The following C11orf16 variants were observed in gnomAD, a reference collection of about 807,000 sequenced individuals.
C11orf16 encodes uncharacterized protein C11orf16.
A neutral mutation model predicts 45.1 loss-of-function variants in C11orf16; 38 were observed. That is an observed-to-expected ratio of 0.84 (90% CI 0.65 to 1.10). The LOEUF is 1.10. Ranked by LOEUF, C11orf16 falls within the 50% of genes least tolerant of loss-of-function variation. The probability of loss-of-function intolerance (pLI) is 0.00; values close to 1 mark genes in which losing one functional copy is unlikely to be tolerated. For synonymous variants in C11orf16, 221 were observed against 222.0 expected (o/e 1.00, Z 0.04); for missense variants, 583 against 569.5 (o/e 1.02, Z -0.24).
intron 2 of C11orf16, among the ~76,000 whole-genome samples, chr11:8,930,285 G>T (rs77388086): frequency 1.3e-5 from 2 of 151,956 alleles, no homozygotes; most frequent in Non-Finnish European, 2.9e-5. Flanking sequence ...AATTAGGTGG[G>T]CGTGGTGGTG....
intron 5 of C11orf16, among the ~76,000 whole-genome samples, chr11:8,924,999 C>CT (rs1418496969): frequency 6.6e-6 from 1 of 152,216 alleles, no homozygotes; most frequent in African/African-American, 2.4e-5. Flanking sequence ...TCCCCGCTCA[C>CT]TTACTGAGGG....
intron 2 of C11orf16, among the ~76,000 whole-genome samples, chr11:8,930,104 G>A (rs2064640091): frequency 6.6e-6 from 1 of 150,946 alleles, no homozygotes. Context: ...TGGGTGACAA[G>A]GTGAGACCCC....
intron 5 of C11orf16, among the ~76,000 whole-genome samples, chr11:8,925,256 TCTG>T (rs2064601566): frequency 6.6e-6 from 1 of 152,246 alleles, no homozygotes; most frequent in South Asian, 2.1e-4. Context: ...AGTTCATCCT[TCTG>T]CTCCTTTGGG....
intron 6 of C11orf16, 92 bp downstream of exon 6, chr11:8,921,202 G>T: frequency 1.0e-6 from 1 of 960,446 alleles, no homozygotes. Context: ...GGGGTCATAG[G>T]TTTTACTGTT....
At chr11:8,929,008 C>A in intron 3 of C11orf16, 1 of 200,214 alleles carries the variant, frequency 5.0e-6, no homozygotes, top group Non-Finnish European at 1.0e-5. Context: ...CAAGGCGATG[C>A]CTCTATAAGC....
chr11:8,925,064 T>C (rs1483149077), intron 5 of C11orf16, among the ~76,000 whole-genome samples: 1 of 152,156 alleles, frequency 6.6e-6, no homozygotes, highest in Admixed American at 6.5e-5. Context: ...TTTCTATGCT[T>C]CAGTGCATCA....
intron 2 of C11orf16, among the ~76,000 whole-genome samples, chr11:8,930,352 G>A (rs139692489): frequency 6.8e-6 from 1 of 146,844 alleles, no homozygotes; most frequent in Non-Finnish European, 1.5e-5. Flanking sequence ...CTTGAACCCA[G>A]GAGGCGGAGG....
intron 2 of C11orf16, among the ~76,000 whole-genome samples, chr11:8,930,617 T>C (rs2064643986): frequency 6.6e-6 from 1 of 152,046 alleles, no homozygotes; most frequent in African/African-American, 2.4e-5. Context: ...TAAGGGGCTG[T>C]GGGACAGAAA....
chr11:8,932,434 G>T (rs1177388171), intron 1 of C11orf16, 108 bp from the exon 2 acceptor site: 1 of 869,456 alleles, frequency 1.2e-6, no homozygotes, highest in Non-Finnish European at 1.7e-6. Context: ...GGACAGTTGA[G>T]TCCATGCACG....
Position 8,920,330 on chromosome 11 carries a change from G to A in C11orf16, c.*143C>T, listed in dbSNP as rs1316672905. 3.7e-6 allele frequency: 2 copies of A among 546,144 alleles called. No individual in the cohort carries two copies. Among genetic ancestry groups the A allele is most frequent in the African/African-American group, 3.9e-5 (2 of 50,956 alleles). The allele number at this position is 546,144 out of a possible 1,614,324, so 33.8% of individuals were successfully genotyped here. ...TCTGCAGGGAGGTCTTCGTGGGGTGGAGATACTGGTGGTTATTTGACTGTT... is the reference window on the plus strand; with the variant it reads ...TCTGCAGGGAGGTCTTCGTGGGGTGAAGATACTGGTGGTTATTTGACTGTT... On this transcript the variant is annotated 3_prime_UTR_variant, in exon 7 of 7. Coordinates refer to ENST00000326053, the MANE Select transcript of C11orf16 (RefSeq NM_020643.3).
At chr11:8,928,691 G>T (rs954923870) in intron 3 of C11orf16, among the ~76,000 whole-genome samples, 2 of 152,068 alleles carry the variant, frequency 1.3e-5, no homozygotes, top group Non-Finnish European at 2.9e-5. Flanking sequence ...TGTAGAGACA[G>T]GGTCTCACTG....
At chr11:8,923,801 A>C (rs2064590140) in intron 5 of C11orf16, among the ~76,000 whole-genome samples, 2 of 151,640 alleles carry the variant, frequency 1.3e-5, no homozygotes, top group Admixed American at 1.3e-4. Flanking sequence ...ACGGGGTTTC[A>C]CTTTGTTGGT....
chr11:8,922,457 A>G (rs1343825861), intron 5 of C11orf16, among the ~76,000 whole-genome samples: 1 of 152,224 alleles, frequency 6.6e-6, no homozygotes, highest in African/African-American at 2.4e-5. Flanking sequence ...AAGGGAAGGA[A>G]TGCTTTTTAC....
At chr11:8,931,277 G>A (rs1187780847) in intron 2 of C11orf16, among the ~76,000 whole-genome samples, 2 of 151,822 alleles carry the variant, frequency 1.3e-5, no homozygotes, top group South Asian at 4.2e-4. Flanking sequence ...AGGCTCGAGC[G>A]CAGTGGCGCT....
chr11:8,932,240 G>T lies in C11orf16; in HGVS notation c.69C>A (p.Ala23=). Residue 23 remains alanine (A), a synonymous_variant, in exon 2 of 7, where the codon GCC becomes GCA. Coordinates refer to ENST00000326053, the MANE Select transcript of C11orf16 (RefSeq NM_020643.3). ...GTGGAGCAGCACCGTCCCAGCCAGG[G>T]GCCTTCAGGCTTGTGGCCACGCTGC... ...KYCSVATSLK[A]PGWDGAAPPW... 1 of 1,610,108 alleles carries T rather than the reference G, an allele frequency of 6.2e-7. No homozygotes were observed. The highest frequency in any genetic ancestry group is 8.5e-7 in the Non-Finnish European group (1 of 1,178,450).
intron 3 of C11orf16, chr11:8,929,166 T>C (rs904621139): frequency 3.3e-5 from 17 of 516,126 alleles, no homozygotes; most frequent in Non-Finnish European, 5.0e-5. Context: ...ATTTCTGTGG[T>C]TTAAGCCACT....
chr11:8,922,996 C>G (rs1488049686), intron 5 of C11orf16, among the ~76,000 whole-genome samples: 1 of 152,190 alleles, frequency 6.6e-6, no homozygotes, highest in Non-Finnish European at 1.5e-5. Context: ...CAGGAACTTT[C>G]CCTAGAGCAT....
At chr11:8,922,107 C>T (rs1483520269) in intron 5 of C11orf16, among the ~76,000 whole-genome samples, 1 of 152,214 alleles carries the variant, frequency 6.6e-6, no homozygotes, top group Non-Finnish European at 1.5e-5. Flanking sequence ...GCCAGTAGGG[C>T]AAGCAAAGGT....
intron 5 of C11orf16, among the ~76,000 whole-genome samples, chr11:8,924,368 T>A (rs947916083): frequency 6.6e-6 from 1 of 151,944 alleles, no homozygotes; most frequent in Non-Finnish European, 1.5e-5. Context: ...CCACTAAAAA[T>A]ACAAAAAGTT....
Sources: gnomAD v4.1 joint callset for allele counts (sites outside exome capture counted in the v4.1 genomes callset) on GRCh38, gnomAD v4.1.1 for gene constraint, MANE v1.5 for transcripts, NCBI Gene and HGNC (gene_info 2026-07-23, HGNC 2026-07-21) for gene names.